The following STK32B variants were observed in gnomAD, a reference collection of about 807,000 sequenced individuals.
STK32B encodes serine/threonine kinase 32B.
STK32B carries 43 observed loss-of-function variants against 52.6 expected under a neutral mutation model. The observed-to-expected ratio is 0.82, with a 90% CI of 0.64 to 1.05. The LOEUF (loss-of-function observed/expected upper bound fraction) is 1.05, where lower values mean the gene tolerates loss of function less well. Ranked by LOEUF, STK32B falls within the 50% of genes least tolerant of loss-of-function variation. STK32B has a pLI of 0.00. For missense variants in STK32B, 621 were observed against 534.6 expected (o/e 1.16, Z -1.59); for synonymous variants, 238 against 204.3 (o/e 1.17, Z -1.41).
chr4:5,272,215 G>A (rs1170521794), intron 3 of STK32B, among the ~76,000 whole-genome samples: 7 of 142,958 alleles, frequency 4.9e-5, no homozygotes, highest in African/African-American at 8.4e-5. Context: ...TTAGCATGAA[G>A]GGTTGTTGAA....
intron 3 of STK32B, among the ~76,000 whole-genome samples, chr4:5,168,861 C>T (rs1192862880): frequency 6.6e-6 from 1 of 152,150 alleles, no homozygotes; most frequent in African/African-American, 2.4e-5. Context: ...CTGCCCATCA[C>T]GGACGTACCA....
chr4:5,051,830 G>T lies in STK32B; in HGVS notation c.-34G>T, dbSNP rs559049495. 6.3e-7 allele frequency: 1 copy of T among 1,579,204 alleles called. No homozygotes were observed. Among genetic ancestry groups the T allele is most frequent in the African/African-American group, 1.4e-5 (1 of 73,740 alleles). ...ACATCCCGCATCCGGCATCCCAGCG[G>T]CCGGGCATGTAGCAGCGGCAGCAAC... On this transcript the variant is annotated 5_prime_UTR_variant, in exon 1 of 12. Transcript: ENST00000282908.
chr4:5,169,743 G>A (rs1205348438), intron 3 of STK32B, among the ~76,000 whole-genome samples: 1 of 152,000 alleles, frequency 6.6e-6, no homozygotes, highest in Non-Finnish European at 1.5e-5. Flanking sequence ...CTATGCAAGG[G>A]AATTTTCTAA....
At chr4:5,441,881 C>G (rs1714804898) in intron 6 of STK32B, among the ~76,000 whole-genome samples, 2 of 133,874 alleles carry the variant, frequency 1.5e-5, no homozygotes, top group Admixed American at 1.6e-4. Context: ...CATTCAGGAG[C>G]AGGTTGTTCA....
At chr4:5,424,663 A>G (rs576152628) in intron 6 of STK32B, among the ~76,000 whole-genome samples, 1 of 152,346 alleles carries the variant, frequency 6.6e-6, no homozygotes, top group East Asian at 1.9e-4. Context: ...AGCTCAATAA[A>G]GCACCTCTTT....
intron 1 of STK32B, among the ~76,000 whole-genome samples, chr4:5,089,356 G>T (rs1413668703): frequency 6.6e-6 from 1 of 151,844 alleles, no homozygotes; most frequent in African/African-American, 2.4e-5. Flanking sequence ...CCCACAACAG[G>T]CCCTGGTGTG....
chr4:5,234,938 C>T (rs1304846883), intron 3 of STK32B, among the ~76,000 whole-genome samples: 1 of 152,230 alleles, frequency 6.6e-6, no homozygotes, highest in Non-Finnish European at 1.5e-5. Context: ...GTTAACAACA[C>T]ATAATTAGAA....
chr4:5,293,935 G>A (rs1382600443), intron 3 of STK32B, among the ~76,000 whole-genome samples: 1 of 152,110 alleles, frequency 6.6e-6, no homozygotes, highest in African/African-American at 2.4e-5. Flanking sequence ...TTATGTTTAA[G>A]TCTTTAATCC....
intron 3 of STK32B, among the ~76,000 whole-genome samples, chr4:5,201,597 A>G (rs1207663138): frequency 6.6e-6 from 1 of 152,168 alleles, no homozygotes; most frequent in Non-Finnish European, 1.5e-5. Context: ...TGCTATAAGG[A>G]GCTACCTGAG....
intron 11 of STK32B, among the ~76,000 whole-genome samples, chr4:5,485,955 C>T (rs991446754): frequency 6.6e-6 from 1 of 152,194 alleles, no homozygotes; most frequent in African/African-American, 2.4e-5. Flanking sequence ...GAAGTTTTGT[C>T]TCAGGGGAGT....
chr4:5,278,258 T>C (rs770195418), intron 3 of STK32B, among the ~76,000 whole-genome samples: 1 of 152,162 alleles, frequency 6.6e-6, no homozygotes, highest in Non-Finnish European at 1.5e-5. Flanking sequence ...AGGAAAACTC[T>C]TCATGCACCA....
chr4:5,371,010 ATG>A lies in STK32B; in HGVS notation c.435-27195_435-27194del, dbSNP rs1491431960. On this transcript the variant is annotated intron_variant, in intron 4 of 11. Transcript: ENST00000282908. ...TGTGTGTGTGTGTATATATATATAT[ATG>A]TATATATATGTGTATATATATGTAT... is the stretch of plus-strand genomic sequence containing the variant. 1.9e-4 allele frequency among the ~76,000 whole-genome samples: 28 copies of A among 148,702 alleles called. No homozygotes were observed. The South Asian group carries it at 3.4e-3, about 18-fold the overall frequency.
At chr4:5,203,859 T>A (rs1722348133) in intron 3 of STK32B, among the ~76,000 whole-genome samples, 1 of 152,134 alleles carries the variant, frequency 6.6e-6, no homozygotes, top group African/African-American at 2.4e-5. Flanking sequence ...CCTGCAGAGA[T>A]GCAAGTGCCT....
intron 1 of STK32B, among the ~76,000 whole-genome samples, chr4:5,112,484 A>G (rs1390629236): frequency 2.0e-5 from 3 of 152,126 alleles, no homozygotes; most frequent in Non-Finnish European, 4.4e-5. Flanking sequence ...TCCTGGCTCA[A>G]GGCAGTCAGG....
At chr4:5,461,694 C>T (rs964904110) in intron 9 of STK32B, among the ~76,000 whole-genome samples, 1 of 152,204 alleles carries the variant, frequency 6.6e-6, no homozygotes, top group African/African-American at 2.4e-5. Flanking sequence ...ACCTTTCTCC[C>T]CACTTCCCTC....
intron 4 of STK32B, among the ~76,000 whole-genome samples, chr4:5,355,647 A>G (rs62297281): frequency 1.3e-4 from 19 of 151,936 alleles, no homozygotes; most frequent in Non-Finnish European, 1.8e-4. Flanking sequence ...TGGCTTCCCC[A>G]CCCTAGATGC....
intron 4 of STK32B, among the ~76,000 whole-genome samples, chr4:5,368,364 G>A (rs1337360280): frequency 7.7e-6 from 1 of 129,318 alleles, no homozygotes; most frequent in East Asian, 2.2e-4. Context: ...TCATGAGTTA[G>A]GTCTACTATT....
chr4:5,439,982 T>C (rs1714553011), intron 6 of STK32B, among the ~76,000 whole-genome samples: 1 of 152,374 alleles, frequency 6.6e-6, no homozygotes, highest in Admixed American at 6.5e-5. Flanking sequence ...TTGGTACAAG[T>C]ACCATGCTGT....
chr4:5,250,310 CTTTTTTTTTTTT>C lies in STK32B; in HGVS notation c.261-80901_261-80890del, dbSNP rs143911318. ...ATGAATGGTAATTCTGTTTTAAGTTCTTTTTTTTTTTTTTTTTTTTGAGACAGAATCTCGCTC... is the reference window on the plus strand; with the variant it reads ...ATGAATGGTAATTCTGTTTTAAGTTCTTTTTTTTGAGACAGAATCTCGCTC... On this transcript the variant is annotated intron_variant, in intron 3 of 11. Coordinates refer to ENST00000282908, the MANE Select transcript of STK32B (RefSeq NM_018401.3). Among the ~76,000 whole-genome samples the C allele has an allele frequency of 7.2e-3, 864 of 119,260 alleles. 27 individuals carry two copies. The East Asian group carries it at 0.11, about 15-fold the overall frequency. The allele number at this position is 119,260 out of a possible 152,430, so 78.2% of individuals were successfully genotyped here.
Sources: allele counts gnomAD v4.1 joint callset (sites outside exome capture counted in the v4.1 genomes callset), GRCh38; gene constraint gnomAD v4.1.1; transcripts MANE v1.5; gene names NCBI Gene and HGNC (gene_info 2026-07-23, HGNC 2026-07-21).